The following ADCY1 variants were observed in gnomAD, a reference collection of about 807,000 sequenced individuals.
The protein encoded by ADCY1 is adenylate cyclase type 1.
ADCY1 carries 28 observed loss-of-function variants against 105.4 expected under a neutral mutation model. The observed-to-expected ratio is 0.27, with a 90% CI of 0.20 to 0.36. ADCY1 has a LOEUF of 0.36. Among genes scored for constraint, ADCY1 ranks in the 10% least tolerant of loss-of-function variants. ADCY1 has a pLI of 1.00. For synonymous variants in ADCY1, 655 were observed against 623.8 expected, an observed-to-expected ratio of 1.05 and a Z score of -0.75; for missense variants, 977 against 1,434.2, an observed-to-expected ratio of 0.68 and a Z score of 5.15.
chr7:45,656,688 G>C (rs1794953505), intron 5 of ADCY1, among the ~76,000 whole-genome samples: 1 of 152,228 alleles, frequency 6.6e-6, no homozygotes, highest in Admixed American at 6.5e-5. Flanking sequence ...CCAGACACAG[G>C]CTTCTCGGGT....
At chr7:45,592,045 CGTTTTTT>C (rs1421570274) in intron 1 of ADCY1, among the ~76,000 whole-genome samples, 35 of 149,836 alleles carry the variant, frequency 2.3e-4, no homozygotes, top group African/African-American at 8.4e-4. Flanking sequence ...GGGCTGTTTT[CGTTTTTT>C]GTTTTTTTTT....
intron 14 of ADCY1, among the ~76,000 whole-genome samples, chr7:45,700,061 C>G (rs1784967980): frequency 6.6e-6 from 1 of 152,140 alleles, no homozygotes; most frequent in Non-Finnish European, 1.5e-5. Flanking sequence ...ACTTCTACCC[C>G]AGAGCCCTGC....
At chr7:45,631,299 G>C (rs538616173) in intron 4 of ADCY1, among the ~76,000 whole-genome samples, 1 of 152,314 alleles carries the variant, frequency 6.6e-6, no homozygotes, top group South Asian at 2.1e-4. Context: ...TATCAGCTTT[G>C]TCTGTTTTAG....
At chr7:45,602,432 C>A (rs1436752149) in intron 2 of ADCY1, among the ~76,000 whole-genome samples, 1 of 152,064 alleles carries the variant, frequency 6.6e-6, no homozygotes, top group East Asian at 1.9e-4. Flanking sequence ...TGGAGCTGGC[C>A]CCTCCCAGAG....
At chr7:45,588,813 T>C (rs561156253) in intron 1 of ADCY1, among the ~76,000 whole-genome samples, 3 of 152,172 alleles carry the variant, frequency 2.0e-5, no homozygotes, top group Non-Finnish European at 2.9e-5. Context: ...CTTTGGCCAT[T>C]GGGGGCTCTT....
intron 8 of ADCY1, among the ~76,000 whole-genome samples, chr7:45,673,964 C>CAT (rs58025464): frequency 0.017 from 1,955 of 113,946 alleles, 12 homozygotes; most frequent in African/African-American, 0.035. Flanking sequence ...TTCAGATGAG[C>CAT]ATATATATAT....
At chr7:45,679,831 C>T (rs781255565) in intron 11 of ADCY1, 38 bp downstream of exon 11, 1 of 1,606,300 alleles carries the variant, frequency 6.2e-7, no homozygotes, top group African/African-American at 1.3e-5. Context: ...TGCATATCAC[C>T]TGGTTCATGT....
chr7:45,629,903 C>T lies in ADCY1; in HGVS notation c.1020+7160C>T, dbSNP rs556604771. Among the ~76,000 whole-genome samples the T allele has an allele frequency of 1.4e-4, 22 of 152,356 alleles. No individual in the cohort carries two copies. The South Asian group carries it at 3.9e-3, about 27-fold the overall frequency. On this transcript the variant is annotated intron_variant, in intron 4 of 19. Coordinates refer to ENST00000297323, the MANE Select transcript of ADCY1 (RefSeq NM_021116.4). ...ATTCCCATCAGCAGTGTGTGAGTTC[C>T]AGTTGCTCCGCATCCTCATCAGCAC...
chr7:45,700,497 A>C (rs547251236), intron 14 of ADCY1, among the ~76,000 whole-genome samples: 86 of 152,268 alleles, frequency 5.6e-4, no homozygotes, highest in African/African-American at 1.9e-3. Context: ...GCACTTTCCC[A>C]AAAGGAGGTG....
chr7:45,592,054 T>G (rs1219221015), intron 1 of ADCY1, among the ~76,000 whole-genome samples: 4 of 124,576 alleles, frequency 3.2e-5, no homozygotes, highest in Non-Finnish European at 6.8e-5. Context: ...TCGTTTTTTG[T>G]TTTTTTTTTT....
chr7:45,606,676 C>T (rs1404409410), intron 2 of ADCY1, among the ~76,000 whole-genome samples: 1 of 152,202 alleles, frequency 6.6e-6, no homozygotes, highest in African/African-American at 2.4e-5. Flanking sequence ...AATACTTCTC[C>T]ATCTTCCCAG....
chr7:45,610,856 T>TGCGGAGGTGATATTGGAGG, intron 3 of ADCY1, among the ~76,000 whole-genome samples: 1 of 96,120 alleles, frequency 1.0e-5, no homozygotes, highest in East Asian at 3.4e-4. Context: ...GATATTGGAG[T>TGCGGAGGTGATATTGGAGG]TGTGGAGATG....
intron 4 of ADCY1, among the ~76,000 whole-genome samples, chr7:45,634,425 GTTTT>G (rs35387539): frequency 7.3e-6 from 1 of 136,670 alleles, no homozygotes; most frequent in Admixed American, 7.3e-5. Context: ...AGTTTGCTGA[GTTTT>G]TTTTTTTTTT....
chr7:45,713,268 A>G (rs916498495), intron 19 of ADCY1, among the ~76,000 whole-genome samples: 2 of 152,144 alleles, frequency 1.3e-5, no homozygotes, highest in Admixed American at 1.3e-4. Flanking sequence ...TCTGGCATGG[A>G]GTGCATGGAG....
At chr7:45,576,599 C>G (rs530409969) in intron 1 of ADCY1, among the ~76,000 whole-genome samples, 1 of 152,208 alleles carries the variant, frequency 6.6e-6, no homozygotes, top group Admixed American at 6.5e-5. Context: ...ACTTCATGTC[C>G]TGGAGGGGAA....
At chr7:45,676,753 G>T (rs1258966416) in intron 8 of ADCY1, among the ~76,000 whole-genome samples, 2 of 151,988 alleles carry the variant, frequency 1.3e-5, no homozygotes, top group Non-Finnish European at 2.9e-5. Context: ...GGGGCCTTGG[G>T]TGTGCCTCCT....
chr7:45,652,650 A>T, intron 5 of ADCY1, among the ~76,000 whole-genome samples: 1 of 152,226 alleles, frequency 6.6e-6, no homozygotes, highest in East Asian at 1.9e-4. Flanking sequence ...TTTCATGCAG[A>T]TCGGTCATTT....
chr7:45,648,125 C>A (rs1018795089), intron 4 of ADCY1, among the ~76,000 whole-genome samples: 9 of 152,222 alleles, frequency 5.9e-5, no homozygotes, highest in African/African-American at 2.2e-4. Context: ...GATGGACATT[C>A]AGCTTTGGCC....
chr7:45,679,173 C>T (rs2116188505), intron 10 of ADCY1, among the ~76,000 whole-genome samples: 1 of 152,282 alleles, frequency 6.6e-6, no homozygotes, highest in East Asian at 1.9e-4. Context: ...AATACTACCT[C>T]CTCTGAGTTT....
Sources: gnomAD v4.1 joint callset for allele counts (sites outside exome capture counted in the v4.1 genomes callset) on GRCh38, gnomAD v4.1.1 for gene constraint, MANE v1.5 for transcripts, NCBI Gene and HGNC (gene_info 2026-07-23, HGNC 2026-07-21) for gene names.